OPA3: variants seen among roughly 807,000 people sequenced by gnomAD.
The protein encoded by OPA3 is outer mitochondrial membrane lipid metabolism regulator OPA3, also known as optic atrophy 3 protein.
OPA3 carries 6 observed loss-of-function variants against 4.0 expected under a neutral mutation model. The ratio of observed to expected loss-of-function variants is 1.51; its 90% CI spans 0.83 to 2.99. OPA3 has a LOEUF of 2.99. Among genes scored for constraint, OPA3 ranks in the 30% most tolerant of loss-of-function variants. OPA3 has a pLI of 0.00. For synonymous variants in OPA3, 105 were observed against 117.1 expected (o/e 0.90, Z 0.67); for missense variants, 235 against 256.2 (o/e 0.92, Z 0.56).
rs1969247713 is a variant in OPA3, at chr19:45,546,300, G to GA, written c.*7213dup. The GA allele has an allele frequency of 1.7e-6, 1 of 595,880 alleles. No homozygotes were observed. Among genetic ancestry groups the GA allele is most frequent in the South Asian group, 7.6e-5 (1 of 13,188 alleles). 36.9% of individuals were successfully genotyped at this position (595,880 alleles called of 1,614,324 possible). Reference sequence around the variant, plus strand: ...CAAATATTAAGGGTAATTATTTAATGAAACTTTCATTCCAATGATATGTAC... The same window carrying GA: ...CAAATATTAAGGGTAATTATTTAATGAAAACTTTCATTCCAATGATATGTAC... On this transcript the variant is annotated 3_prime_UTR_variant, in exon 2 of 2. Coordinates refer to ENST00000263275, the MANE Select transcript of OPA3 (RefSeq NM_025136.4).
chr19:45,535,267 G>C (rs1421477945), intron 1 of OPA3, among the ~76,000 whole-genome samples: 1 of 151,856 alleles, frequency 6.6e-6, no homozygotes, highest in African/African-American at 2.4e-5. Context: ...TATTTTGATG[G>C]CAACATTTCA....
chr19:45,549,230 C>T lies in OPA3; in HGVS notation c.*4284G>A, dbSNP rs1394542570. On this transcript the variant is annotated 3_prime_UTR_variant, in exon 2 of 2. Transcript: ENST00000263275. ...ACAGAATTCTAGCTAGCAGAACACA[C>T]GAGCAGTGAACCATCCTCTGGCCTC... 2.0e-6 allele frequency: 2 copies of T among 985,310 alleles called. No individual in the cohort carries two copies. The highest frequency in any genetic ancestry group is 3.5e-5 in the African/African-American group (2 of 57,228). The allele number at this position is 985,310 out of a possible 1,614,324, so 61.0% of individuals were successfully genotyped here. A position where few individuals can be genotyped will look rare whatever the true frequency, so the allele number is the denominator to read the frequency against.
intron 1 of OPA3, among the ~76,000 whole-genome samples, chr19:45,570,978 T>TGGGGG (rs66483717): frequency 1.5e-5 from 1 of 66,212 alleles, no homozygotes; most frequent in African/African-American, 5.6e-5. Context: ...CAAAACTATT[T>TGGGGG]GGGGGGGGGG....
intron 1 of OPA3, among the ~76,000 whole-genome samples, chr19:45,556,950 C>G (rs1262881137): frequency 6.6e-6 from 1 of 152,226 alleles, no homozygotes; most frequent in East Asian, 1.9e-4. Flanking sequence ...TGCCCCAAGG[C>G]CCCTCTGTAA....
intron 1 of OPA3, among the ~76,000 whole-genome samples, chr19:45,572,546 A>C (rs1022950271): frequency 1.8e-5 from 2 of 113,792 alleles, no homozygotes; most frequent in African/African-American, 5.7e-5. Flanking sequence ...CATATGATAT[A>C]TATATCATAT....
exon 2 of OPA3, chr19:45,528,165 G>C (rs1055733582): frequency 1.3e-5 from 2 of 152,522 alleles, no homozygotes; most frequent in Non-Finnish European, 2.9e-5. Context: ...GTAGCAGTAG[G>C]TCCAGGACTG....
At chr19:45,559,393 CTTTCTTTTTTTTTTT>C (rs1969471060) in intron 1 of OPA3, among the ~76,000 whole-genome samples, 1 of 97,836 alleles carries the variant, frequency 1.0e-5, no homozygotes, top group East Asian at 3.7e-4. Flanking sequence ...CCCTCTTTTT[CTTTCTTTTTTTTTTT>C]TTTTTTTTTT....
chr19:45,572,497 TGA>T (rs1474956054), intron 1 of OPA3, among the ~76,000 whole-genome samples: 55 of 119,330 alleles, frequency 4.6e-4, no homozygotes, highest in African/African-American at 1.5e-3. Flanking sequence ...TCGAGATATA[TGA>T]GATATATATC....
At chr19:45,554,391 T>C (rs1568402811) in intron 1 of OPA3, among the ~76,000 whole-genome samples, 1 of 152,216 alleles carries the variant, frequency 6.6e-6, no homozygotes, top group Non-Finnish European at 1.5e-5. Flanking sequence ...AACACTTAGA[T>C]ACACTTGTAA....
At chr19:45,570,193 A>G (rs933873043) in intron 1 of OPA3, among the ~76,000 whole-genome samples, 1 of 152,218 alleles carries the variant, frequency 6.6e-6, no homozygotes, top group African/African-American at 2.4e-5. Context: ...GGCTTCTGAA[A>G]AAGATCCCTG....
downstream of OPA3, among the ~76,000 whole-genome samples, chr19:45,544,102 C>T (rs1159299058): frequency 1.3e-5 from 2 of 152,216 alleles, no homozygotes; most frequent in Non-Finnish European, 1.5e-5. Flanking sequence ...TACCCAGTGA[C>T]TTGCCCAAGC....
chr19:45,558,685 G>A lies in OPA3; in HGVS notation c.143-4774C>T, dbSNP rs528164375. On this transcript the variant is annotated intron_variant, in intron 1 of 1. Coordinates refer to ENST00000263275, the MANE Select transcript of OPA3 (RefSeq NM_025136.4). ...TTCTCCGCTCCCCCATTTCTACAGG[G>A]GATTTGTATGCAGTTTTTATTATTC... is the stretch of plus-strand genomic sequence containing the variant. Among the ~76,000 whole-genome samples, 9 of 152,062 alleles carry A rather than the reference G, an allele frequency of 5.9e-5. No homozygotes were observed. In the South Asian group the frequency reaches 1.5e-3, roughly 25 times the overall value.
Position 45,553,132 on chromosome 19 carries a change from G to A in OPA3, c.*382C>T. 2 of 1,189,062 alleles carry A rather than the reference G, an allele frequency of 1.7e-6. No individual in the cohort carries two copies. Among genetic ancestry groups the A allele is most frequent in the Non-Finnish European group, 1.1e-6 (1 of 951,544 alleles). 73.7% of individuals were successfully genotyped at this position (1,189,062 alleles called of 1,614,324 possible). A position where few individuals can be genotyped will look rare whatever the true frequency, so the allele number is the denominator to read the frequency against. On this transcript the variant is annotated 3_prime_UTR_variant, in exon 2 of 2. Coordinates refer to ENST00000263275, the MANE Select transcript of OPA3 (RefSeq NM_025136.4). ...GAAGGTGTTCCAGTGTAACAGATGA[G>A]TGTCCCAGTAAAGGTTAACACTGAT...
intron 1 of OPA3, among the ~76,000 whole-genome samples, chr19:45,560,954 G>A (rs893104844): frequency 6.6e-6 from 1 of 152,204 alleles, no homozygotes; most frequent in Non-Finnish European, 1.5e-5. Context: ...GCAGGTGGCT[G>A]GAATGCAACC....
downstream of OPA3, among the ~76,000 whole-genome samples, chr19:45,544,533 G>A (rs1302050387): frequency 7.9e-5 from 12 of 152,030 alleles, no homozygotes; most frequent in Admixed American, 3.3e-4. Flanking sequence ...AGTGGCTCAC[G>A]CCTGTAATCC....
chr19:45,570,241 G>A (rs1038105194), intron 1 of OPA3, among the ~76,000 whole-genome samples: 2 of 152,220 alleles, frequency 1.3e-5, no homozygotes, highest in Admixed American at 1.3e-4. Flanking sequence ...ATGAGTACAT[G>A]AGCAAATTCC....
At position 45,584,720 on chromosome 19, in the gene OPA3, G is replaced by A. The variant is rs901564972; in HGVS notation, c.45C>T (p.Gly15=). 13 of 1,614,038 alleles carry A rather than the reference G, an allele frequency of 8.1e-6. No homozygotes were observed. The Admixed American group carries it at 1.2e-4, about 14-fold the overall frequency. Residue 15 remains glycine (G), a synonymous_variant, in exon 1 of 2, where the codon GGC becomes GGT. Transcript: ENST00000263275. The part of the protein sequence containing the change: ...AFPMAKLLYL[G]IRQVSKPLAN... ...CAAGCGGCTTGCTGACCTGCCGGAT[G>A]CCCAAGTATAGCAGCTTCGCCATAG...
At chr19:45,561,446 T>C (rs766661335) in intron 1 of OPA3, among the ~76,000 whole-genome samples, 1 of 152,026 alleles carries the variant, frequency 6.6e-6, no homozygotes, top group Non-Finnish European at 1.5e-5. Context: ...CCTCATAGGG[T>C]CCACTACTCG....
chr19:45,543,247 G>A (rs527567587), downstream of OPA3, among the ~76,000 whole-genome samples: 133 of 152,166 alleles, frequency 8.7e-4, 1 homozygote, highest in African/African-American at 3.1e-3. Context: ...CTGGGCTCAC[G>A]TGATCCTCCA....
Sources: gnomAD v4.1 joint callset for allele counts (sites outside exome capture counted in the v4.1 genomes callset) on GRCh38, gnomAD v4.1.1 for gene constraint, MANE v1.5 for transcripts, NCBI Gene and HGNC (gene_info 2026-07-23, HGNC 2026-07-21) for gene names.